The following WFDC3 variants were observed in gnomAD, a reference collection of about 807,000 sequenced individuals.
WFDC3 encodes WAP four-disulfide core domain protein 3.
A neutral mutation model predicts 25.8 loss-of-function variants in WFDC3; 15 were observed. That is an observed-to-expected ratio of 0.58 (90% CI 0.39 to 0.89). The LOEUF is 0.89. Among genes scored for constraint, WFDC3 ranks in the 40% least tolerant of loss-of-function variants. The probability of loss-of-function intolerance (pLI) is 0.00; values close to 1 mark genes in which losing one functional copy is unlikely to be tolerated. For missense variants in WFDC3, 264 were observed against 289.8 expected (o/e 0.91, Z 0.65); for synonymous variants, 103 against 107.1 (o/e 0.96, Z 0.24).
At chr20:45,789,365 G>C (rs1169284112) in intron 2 of WFDC3, among the ~76,000 whole-genome samples, 1 of 151,898 alleles carries the variant, frequency 6.6e-6, no homozygotes, top group Admixed American at 6.6e-5. Flanking sequence ...AATTAGCTGG[G>C]CGTGGCGGCG....
intron 4 of WFDC3, among the ~76,000 whole-genome samples, chr20:45,784,578 C>G (rs1337612731): frequency 6.6e-6 from 1 of 152,174 alleles, no homozygotes; most frequent in Non-Finnish European, 1.5e-5. Context: ...GCCGTCTCTA[C>G]TAAATACAAA....
Position 45,788,076 on chromosome 20 carries a change from G to A in WFDC3, c.212-94C>T, listed in dbSNP as rs550755511. 54 of 1,388,008 alleles carry A rather than the reference G, an allele frequency of 3.9e-5. No individual in the cohort carries two copies. The African/African-American group carries it at 7.4e-4, about 19-fold the overall frequency. 86.0% of individuals were successfully genotyped at this position (1,388,008 alleles called of 1,614,324 possible). A position where few individuals can be genotyped will look rare whatever the true frequency, so the allele number is the denominator to read the frequency against. On this transcript the variant is annotated intron_variant, in intron 3 of 6. Coordinates refer to ENST00000243938, the MANE Select transcript of WFDC3 (RefSeq NM_080614.2). ...CCCAGCACTTTGGGAGGCCAAGGCGGGTGGATCACCTGAGGTAGGGAGTTC... is the reference window on the plus strand; with the variant it reads ...CCCAGCACTTTGGGAGGCCAAGGCGAGTGGATCACCTGAGGTAGGGAGTTC...
intron 3 of WFDC3, chr20:45,788,632 C>G (rs1176010521): frequency 3.7e-6 from 1 of 268,634 alleles, no homozygotes; most frequent in Non-Finnish European, 7.0e-6. Context: ...GGTCTACTCT[C>G]TTAATCATTA....
chr20:45,776,660 A>ATATATATATGTG (rs762240715), intron 5 of WFDC3, among the ~76,000 whole-genome samples: 15 of 93,284 alleles, frequency 1.6e-4, no homozygotes, highest in South Asian at 4.0e-4. Flanking sequence ...ATATATATAT[A>ATATATATATGTG]TGTGTGTGTG....
intron 5 of WFDC3, among the ~76,000 whole-genome samples, chr20:45,776,606 AAAAAAAGAAAAAAAAG>A (rs1262628657): frequency 0.023 from 1,204 of 51,436 alleles, 24 homozygotes; most frequent in Admixed American, 0.046. Flanking sequence ...TCAAAAAAAA[AAAAAAAGAAAAAAAAG>A]AAAAAAAAAA....
intron 4 of WFDC3, among the ~76,000 whole-genome samples, chr20:45,778,188 T>A (rs1980282803): frequency 6.6e-6 from 1 of 152,194 alleles, no homozygotes; most frequent in Admixed American, 6.5e-5. Context: ...AACTACGCTA[T>A]GGGATGATGA....
intron 4 of WFDC3, among the ~76,000 whole-genome samples, chr20:45,778,454 G>A (rs8123134): frequency 0.017 from 2,560 of 152,312 alleles, 73 homozygotes; most frequent in African/African-American, 0.058. Flanking sequence ...TTTATTCTGA[G>A]AGGCAACAGG....
At chr20:45,788,745 G>T in intron 3 of WFDC3, 186 bp downstream of exon 3, 1 of 714,004 alleles carries the variant, frequency 1.4e-6, no homozygotes. Context: ...CTTTCCTGAT[G>T]GAAGGCAAAC....
chr20:45,783,217 G>T (rs562386348), intron 4 of WFDC3, among the ~76,000 whole-genome samples: 1 of 152,148 alleles, frequency 6.6e-6, no homozygotes, highest in Admixed American at 6.6e-5. Context: ...GCATCAGATA[G>T]GTGGGGAGGC....
intron 4 of WFDC3, among the ~76,000 whole-genome samples, chr20:45,784,514 G>A (rs1471479911): frequency 2.6e-5 from 4 of 152,242 alleles, no homozygotes; most frequent in African/African-American, 7.2e-5. Flanking sequence ...GGCCAAGGCC[G>A]GTGGATCACC....
chr20:45,787,090 T>C, intron 4 of WFDC3, among the ~76,000 whole-genome samples: 1 of 78,178 alleles, frequency 1.3e-5, no homozygotes, highest in Admixed American at 2.2e-4. Flanking sequence ...CAAGACTCTC[T>C]CTCAAAAAAA....
At chr20:45,790,183 C>G in intron 1 of WFDC3, 1 of 510,054 alleles carries the variant, frequency 2.0e-6, no homozygotes, top group East Asian at 3.3e-5. Context: ...CTGGCACTAC[C>G]AAAGGGGACC....
chr20:45,789,898 T>A lies in WFDC3; in HGVS notation c.78A>T (p.Glu26Asp). Residue 26 changes from glutamate to aspartate, a missense_variant, in exon 2 of 7, where the codon GAA (glutamate) becomes GAT (aspartate). Physicochemically the swap from Glu to Asp is conservative, Grantham distance 45 (BLOSUM62 2). Coordinates refer to ENST00000243938, the MANE Select transcript of WFDC3 (RefSeq NM_080614.2). ...GSLESWITAG[E>D]HAKEGECPPH... ...GGATCCCAAATGATAGCTCACCATG[T>A]TCTCCTGCAGTTATCCAGGATTCCA... 1 of 1,613,824 alleles carries A rather than the reference T, an allele frequency of 6.2e-7. No homozygotes were observed. Among genetic ancestry groups the A allele is most frequent in the African/African-American group, 1.3e-5 (1 of 75,048 alleles).
chr20:45,784,570 C>T (rs535087358), intron 4 of WFDC3, among the ~76,000 whole-genome samples: 5 of 152,216 alleles, frequency 3.3e-5, no homozygotes, highest in South Asian at 2.1e-4. Context: ...GCTGAAAAGC[C>T]GTCTCTACTA....
chr20:45,776,660 A>ATGTGTGTGTGTGTGTGTGTG (rs1555812785), intron 5 of WFDC3, among the ~76,000 whole-genome samples: 20 of 93,302 alleles, frequency 2.1e-4, no homozygotes, highest in African/African-American at 8.3e-4. Flanking sequence ...ATATATATAT[A>ATGTGTGTGTGTGTGTGTGTG]TGTGTGTGTG....
intron 4 of WFDC3, among the ~76,000 whole-genome samples, chr20:45,787,091 CT>C (rs1398043140): frequency 1.4e-5 from 1 of 73,552 alleles, no homozygotes; most frequent in Non-Finnish European, 2.5e-5. Context: ...AAGACTCTCT[CT>C]CAAAAAAAAA....
chr20:45,789,005 C>A lies in WFDC3; in HGVS notation c.137G>T (p.Gly46Val). Reference sequence around the variant, plus strand: ...CTGTTCAGCCGGACACAATTCATCACCCTGGCACAGCTCTTTGCATGGGTT... The same window carrying A: ...CTGTTCAGCCGGACACAATTCATCAACCTGGCACAGCTCTTTGCATGGGTT... Reference protein sequence around the residue: ...HKNPCKELCQGDELCPAEQKC... With the variant: ...HKNPCKELCQVDELCPAEQKC... The change falls in exon 3 of 7, where the codon GGT becomes GTT. Residue 46 changes from glycine (G) to valine (V), a missense_variant. Transcript: ENST00000243938. 6.2e-7 allele frequency: 1 copy of A among 1,613,790 alleles called. No homozygotes were observed. Among genetic ancestry groups the A allele is most frequent in the Non-Finnish European group, 8.5e-7 (1 of 1,179,932 alleles).
chr20:45,779,644 A>G (rs1439979107), intron 4 of WFDC3, among the ~76,000 whole-genome samples: 1 of 152,190 alleles, frequency 6.6e-6, no homozygotes, highest in Non-Finnish European at 1.5e-5. Flanking sequence ...ACAGCTGAGA[A>G]GGCTGGGAGT....
chr20:45,775,896 C>T (rs1980121609), intron 5 of WFDC3, among the ~76,000 whole-genome samples: 1 of 152,068 alleles, frequency 6.6e-6, no homozygotes. Flanking sequence ...GTGGCAGGGG[C>T]AAGCCTCCCA....
Sources: gnomAD v4.1 joint callset for allele counts (sites outside exome capture counted in the v4.1 genomes callset) on GRCh38, gnomAD v4.1.1 for gene constraint, MANE v1.5 for transcripts, NCBI Gene and HGNC (gene_info 2026-07-23, HGNC 2026-07-21) for gene names.